Variants in SAMD7 observed in about 807,000 individuals in gnomAD.
SAMD7 encodes the protein sterile alpha motif domain-containing protein 7.
Under a neutral mutation model 36.7 loss-of-function variants are expected in SAMD7, and 34 were observed. That is an observed-to-expected ratio of 0.93 (90% CI 0.71 to 1.23). The LOEUF (loss-of-function observed/expected upper bound fraction) is 1.23. Among genes scored for constraint, SAMD7 ranks in the 50% most tolerant of loss-of-function variants. The probability of loss-of-function intolerance (pLI) is 0.00; values close to 1 mark genes in which losing one functional copy is unlikely to be tolerated. For synonymous variants in SAMD7, 188 were observed against 189.7 expected (o/e 0.99, Z 0.07); for missense variants, 570 against 546.6 (o/e 1.04, Z -0.43).
intron 5 of SAMD7, chr3:169,926,169 A>C: frequency 7.1e-6 from 5 of 707,002 alleles, no homozygotes; most frequent in Non-Finnish European, 1.1e-5. Flanking sequence ...GAGACTTGCA[A>C]TGTCTAATTG....
At chr3:169,935,912 T>C (rs1466015330) in intron 7 of SAMD7, among the ~76,000 whole-genome samples, 1 of 152,192 alleles carries the variant, frequency 6.6e-6, no homozygotes, top group Non-Finnish European at 1.5e-5. Flanking sequence ...AGATACCACA[T>C]CTGTAAATGT....
At chr3:169,919,771 G>A (rs1033878090) in intron 3 of SAMD7, among the ~76,000 whole-genome samples, 187 bp downstream of exon 3, 1 of 152,178 alleles carries the variant, frequency 6.6e-6, no homozygotes, top group Non-Finnish European at 1.5e-5. Flanking sequence ...TCTCCTCTGA[G>A]ACCTGCTTGA....
chr3:169,923,612 C>A (rs1374107456), intron 4 of SAMD7, among the ~76,000 whole-genome samples: 2 of 152,146 alleles, frequency 1.3e-5, no homozygotes, highest in Non-Finnish European at 2.9e-5. Context: ...TGTGGTGTCA[C>A]ATGCCTGTAG....
intron 1 of SAMD7, among the ~76,000 whole-genome samples, chr3:169,913,638 T>G (rs1712689062): frequency 6.6e-6 from 1 of 152,206 alleles, no homozygotes; most frequent in Admixed American, 6.5e-5. Flanking sequence ...TAAGCACCAC[T>G]GCACTCCCTC....
chr3:169,933,980 G>C (rs935428226), intron 7 of SAMD7, among the ~76,000 whole-genome samples: 6 of 152,208 alleles, frequency 3.9e-5, no homozygotes, highest in South Asian at 2.1e-4. Flanking sequence ...GAATTTCCAG[G>C]TGAGGGCCAG....
Position 169,926,843 on chromosome 3 carries a change from T to A in SAMD7, c.581T>A (p.Leu194Gln), listed in dbSNP as rs1713284094. Residue 194 changes from leucine (L) to glutamine (Q), a missense_variant, in exon 6 of 9, where the codon CTA (leucine) becomes CAA (glutamine). Leu to Gln is a moderately radical substitution (Grantham distance 113). Coordinates refer to ENST00000335556, the MANE Select transcript of SAMD7 (RefSeq NM_001304366.2). The stretch of plus-strand genomic sequence containing the variant: ...AAAAATACAGGGAATCAAAAAGCTC[T>A]AGACAGTGATGCTGAGAGTTCCAAA... ...LRKNTGNQKA[L>Q]DSDAESSKSQ... 3 of 1,613,828 alleles carry A rather than the reference T, an allele frequency of 1.9e-6. No homozygotes were observed. The highest frequency in any genetic ancestry group is 2.5e-6 in the Non-Finnish European group (3 of 1,179,986).
intron 8 of SAMD7, among the ~76,000 whole-genome samples, chr3:169,937,098 T>C (rs927288727): frequency 9.2e-5 from 14 of 152,200 alleles, no homozygotes; most frequent in African/African-American, 2.7e-4. Context: ...AATAATGATG[T>C]ATTTAACAAC....
At position 169,938,360 on chromosome 3, in the gene SAMD7, T is replaced by C. The variant is rs1713796944; in HGVS notation, c.1195T>C (p.Ser399Pro). 3 of 1,612,518 alleles carry C rather than the reference T, an allele frequency of 1.9e-6. No homozygotes were observed. The highest frequency in any genetic ancestry group is 3.3e-5 in the Admixed American group (2 of 59,976). Residue 399 changes from serine (S) to proline (P), a missense_variant, in exon 9 of 9, where the codon TCA becomes CCA. Transcript: ENST00000335556. Reference protein sequence around the residue: ...VGSMFYKKTLSFPIRQAFDQP... With the variant: ...VGSMFYKKTLPFPIRQAFDQP... Reference sequence around the variant, plus strand: ...AAGTATGTTCTACAAGAAAACTCTTTCATTTCCTATAAGACAAGCATTTGA... The same window carrying C: ...AAGTATGTTCTACAAGAAAACTCTTCCATTTCCTATAAGACAAGCATTTGA...
At chr3:169,928,274 T>A (rs1383098872) in intron 6 of SAMD7, among the ~76,000 whole-genome samples, 183 bp from the exon 7 acceptor site, 1 of 152,218 alleles carries the variant, frequency 6.6e-6, no homozygotes, top group Non-Finnish European at 1.5e-5. Context: ...GTAAAGATCT[T>A]TTCAGAGAAA....
chr3:169,915,907 T>C (rs183265357), intron 2 of SAMD7, among the ~76,000 whole-genome samples: 2 of 152,202 alleles, frequency 1.3e-5, no homozygotes, highest in Admixed American at 6.5e-5. Flanking sequence ...AATACCCTTA[T>C]TGAGGAAAAT....
chr3:169,927,966 G>A (rs1185438610), intron 6 of SAMD7, among the ~76,000 whole-genome samples: 3 of 151,950 alleles, frequency 2.0e-5, no homozygotes, highest in South Asian at 2.1e-4. Flanking sequence ...TGACAGAAAC[G>A]CACACTGAAT....
At chr3:169,917,827 G>C (rs1712872814) in intron 2 of SAMD7, among the ~76,000 whole-genome samples, 1 of 152,058 alleles carries the variant, frequency 6.6e-6, no homozygotes, top group Non-Finnish European at 1.5e-5. Flanking sequence ...ATTTTTAGGA[G>C]AGACATGGTT....
intron 5 of SAMD7, among the ~76,000 whole-genome samples, chr3:169,925,397 A>G (rs1290673): frequency 0.1 from 15,366 of 152,078 alleles, 1,037 homozygotes; most frequent in South Asian, 0.14. Flanking sequence ...AAATGAATAC[A>G]AACATGTATG....
chr3:169,926,433 T>C, intron 5 of SAMD7, 120 bp from the exon 6 acceptor site: 3 of 1,218,548 alleles, frequency 2.5e-6, no homozygotes, highest in Non-Finnish European at 3.4e-6. Context: ...GATTCATGTT[T>C]CCACCAAACA....
At position 169,936,377 on chromosome 3, in the gene SAMD7, A is replaced by G. The variant is rs776239294; in HGVS notation, c.1080A>G (p.Pro360=). 11 of 1,613,470 alleles carry G rather than the reference A, an allele frequency of 6.8e-6. No individual in the cohort carries two copies. The highest frequency in any genetic ancestry group is 4.5e-5 in the East Asian group (2 of 44,866). Residue 360 remains proline, a synonymous_variant, in exon 8 of 9, where the codon CCA becomes CCG. Transcript: ENST00000335556. ...ATGCAATTGATGGAGAAACTTTGCC[A>G]TTACTCACAGAAGAGCATCTTCGAG... ...KDHAIDGETL[P]LLTEEHLRGT...
At chr3:169,932,981 T>TC (rs1163528003) in intron 7 of SAMD7, 26 of 712,986 alleles carry the variant, frequency 3.6e-5, no homozygotes, top group Admixed American at 9.0e-5. Flanking sequence ...AAGCATTCTT[T>TC]CCCCCCCTCT....
rs769648697 is a variant in SAMD7, at chr3:169,938,340, T to C, written c.1175T>C (p.Met392Thr). The C allele has an allele frequency of 1.2e-6, 2 of 1,608,868 alleles. No individual in the cohort carries two copies. ...QSQVSQHVGS[M>T]FYKKTLSFPI... ...AAGGTATCTCAGCATGTGGGAAGTA[T>C]GTTCTACAAGAAAACTCTTTCATTT... The change falls in exon 9 of 9, where the codon ATG becomes ACG. Residue 392 changes from methionine to threonine, a missense_variant. Physicochemically the swap from Met to Thr is moderately conservative, Grantham distance 81 (BLOSUM62 -1). Transcript: ENST00000335556.
chr3:169,936,571 T>C, intron 8 of SAMD7, 122 bp downstream of exon 8: 4 of 634,956 alleles, frequency 6.3e-6, no homozygotes, highest in Non-Finnish European at 1.1e-5. Context: ...TTTCCCTCTG[T>C]GGTTGAGGAC....
At chr3:169,934,429 A>G (rs764920191) in intron 7 of SAMD7, among the ~76,000 whole-genome samples, 1 of 152,000 alleles carries the variant, frequency 6.6e-6, no homozygotes, top group Non-Finnish European at 1.5e-5. Flanking sequence ...AATCCTCACA[A>G]AAAAAAACCA....
Sources: gnomAD v4.1 joint callset for allele counts (sites outside exome capture counted in the v4.1 genomes callset) on GRCh38, gnomAD v4.1.1 for gene constraint, MANE v1.5 for transcripts, NCBI Gene and HGNC (gene_info 2026-07-23, HGNC 2026-07-21) for gene names.